The following AFF1 variants were observed in gnomAD, a reference collection of about 807,000 sequenced individuals.
The protein encoded by AFF1 is ALF transcription elongation factor 1.
Under a neutral mutation model 121.7 loss-of-function variants are expected in AFF1, and 48 were observed. That is an observed-to-expected ratio of 0.39 (90% CI 0.31 to 0.50). The LOEUF (loss-of-function observed/expected upper bound fraction) is 0.50, where lower values mean the gene tolerates loss of function less well. AFF1 is among the 20% of genes least tolerant of loss of function. The pLI, the probability that AFF1 is intolerant of heterozygous loss-of-function variation, is 0.76. For missense variants in AFF1, 1,523 were observed against 1,511.7 expected (o/e 1.01, Z -0.12); for synonymous variants, 613 against 563.0 (o/e 1.09, Z -1.26).
chr4:87,007,480 G>C, intron 2 of AFF1: 1 of 1,611,966 alleles, frequency 6.2e-7, no homozygotes, highest in Admixed American at 1.7e-5. Flanking sequence ...GGGAGCTGAA[G>C]GTTGCGGGGG....
At chr4:86,981,501 T>C (rs1723755085) in intron 2 of AFF1, among the ~76,000 whole-genome samples, 1 of 152,086 alleles carries the variant, frequency 6.6e-6, no homozygotes, top group South Asian at 2.1e-4. Context: ...TGGAGTAGCC[T>C]GCGATTCCAG....
chr4:87,006,641 T>C (rs1024317366), intron 2 of AFF1, among the ~76,000 whole-genome samples: 2 of 152,250 alleles, frequency 1.3e-5, no homozygotes, highest in African/African-American at 4.8e-5. Context: ...GCGGTCTTGT[T>C]CCTGCTCACT....
In AFF1 at chr4:87,046,963, C is replaced by A. The variant is rs771430275; in HGVS notation, c.428C>A (p.Ala143Glu). 1 of 1,614,214 alleles carries A rather than the reference C, an allele frequency of 6.2e-7. No homozygotes were observed. Among genetic ancestry groups the A allele is most frequent in the East Asian group, 2.2e-5 (1 of 44,880 alleles). Residue 143 changes from alanine (A) to glutamate (E), a missense_variant, in exon 4 of 21, where the codon GCG becomes GAG. Transcript: ENST00000395146. Reference sequence around the variant, plus strand: ...AACATTAGCCACAATCCAAAGATGGCGCAGCCAAGAACTGAACCAATGCCA... The same window carrying A: ...AACATTAGCCACAATCCAAAGATGGAGCAGCCAAGAACTGAACCAATGCCA... ...VGNISHNPKM[A>E]QPRTEPMPSL...
chr4:87,009,379 A>G (rs1230781471), intron 2 of AFF1, among the ~76,000 whole-genome samples: 1 of 152,254 alleles, frequency 6.6e-6, no homozygotes, highest in Non-Finnish European at 1.5e-5. Context: ...GCCAAGCCTC[A>G]GTATAACAGT....
intron 2 of AFF1, among the ~76,000 whole-genome samples, chr4:87,011,200 G>A (rs1726723226): frequency 1.3e-5 from 2 of 152,146 alleles, no homozygotes; most frequent in South Asian, 2.1e-4. Flanking sequence ...TGCTTCTTTG[G>A]GAGAGTTGAA....
intron 4 of AFF1, among the ~76,000 whole-genome samples, chr4:87,066,428 T>G (rs778670353): frequency 6.6e-6 from 1 of 152,034 alleles, no homozygotes; most frequent in Non-Finnish European, 1.5e-5. Flanking sequence ...CCTATAAATA[T>G]TTAACAATTA....
intron 2 of AFF1, among the ~76,000 whole-genome samples, chr4:86,966,287 TCTC>T (rs1722536397): frequency 6.6e-6 from 1 of 152,188 alleles, no homozygotes; most frequent in South Asian, 2.1e-4. Flanking sequence ...TCCTTCCTCT[TCTC>T]TGATTTCTGA....
rs374859588 is a variant in AFF1, at chr4:87,127,093, G to A, written c.2879G>A (p.Gly960Glu). Residue 960 changes from glycine to glutamate, a missense_variant, in exon 15 of 21, where the codon GGG (glycine) becomes GAG (glutamate). Gly to Glu is a moderately conservative substitution (Grantham distance 98). Around this residue, in one of 5 missense-constraint regions of AFF1, gnomAD observed 905 missense variants for 842.5 expected, o/e 1.07. Coordinates refer to ENST00000395146, the MANE Select transcript of AFF1 (RefSeq NM_001166693.3). ...PSLPNGNSKP[G>E]KPQVKFDKQQ... ...TTGCCAAATGGTAACTCTAAACCAG[G>A]GAAGCCTCAAGTGAAGTTTGACAAG... 1.1e-5 allele frequency: 17 copies of A among 1,613,450 alleles called. No homozygotes were observed. Among genetic ancestry groups the A allele is most frequent in the African/African-American group, 9.4e-5 (7 of 74,750 alleles).
chr4:87,037,030 A>G (rs1198639950), intron 2 of AFF1, among the ~76,000 whole-genome samples: 1 of 152,128 alleles, frequency 6.6e-6, no homozygotes, highest in Non-Finnish European at 1.5e-5. Flanking sequence ...GATGGATCTA[A>G]AATTACTTGC....
intron 2 of AFF1, among the ~76,000 whole-genome samples, chr4:87,034,064 G>T (rs567125260): frequency 1.3e-5 from 2 of 152,286 alleles, no homozygotes; most frequent in African/African-American, 4.8e-5. Context: ...TTTAGATGGG[G>T]ATTGAAAGGT....
chr4:87,127,177 C>CCA (rs1728357435), intron 15 of AFF1, 60 bp downstream of exon 15: 1 of 1,299,248 alleles, frequency 7.7e-7, no homozygotes, highest in East Asian at 2.6e-5. Flanking sequence ...CCCCCCCCCA[C>CCA]CAAGATAGAG....
rs550992995 is a variant in AFF1 at position 87,140,397 on chromosome 4, A to AT, written c.*4706dup. ...CGCATGTGTCCCAAATCTTGTTTTA[A>AT]TTTTTTTTTTCTGAATGTGATCATG... On this transcript the variant is annotated 3_prime_UTR_variant, in exon 21 of 21. Coordinates refer to ENST00000395146, the MANE Select transcript of AFF1 (RefSeq NM_001166693.3). 3.4e-3 allele frequency: 605 copies of AT among 179,680 alleles called. No individual in the cohort carries two copies. The highest frequency in any genetic ancestry group is 9.0e-3 in the East Asian group (98 of 10,858). The allele number at this position is 179,680 out of a possible 1,614,324, so 11.1% of individuals were successfully genotyped here. A position where few individuals can be genotyped will look rare whatever the true frequency, so the allele number is the denominator to read the frequency against.
chr4:87,097,601 C>T (rs1397994027), intron 8 of AFF1, among the ~76,000 whole-genome samples: 1 of 151,938 alleles, frequency 6.6e-6, no homozygotes, highest in African/African-American at 2.4e-5. Flanking sequence ...TGTGATGATC[C>T]TAATAGATTT....
At chr4:86,935,636 A>C (rs115352992) in intron 1 of AFF1, 1 of 148,650 alleles carries the variant, frequency 6.7e-6, no homozygotes, top group East Asian at 2.0e-4. Context: ...TCTCGGGGGG[A>C]GGGGGCGGGG....
chr4:87,105,533 CTT>C lies in AFF1; in HGVS notation c.1284-93_1284-92del, dbSNP rs1314501438. ...AAGAAAACTTACACATATCCTCTCT[CTT>C]TGTTTAATTAGGCATATTTTCTATT... On this transcript the variant is annotated intron_variant, in intron 8 of 20. Coordinates refer to ENST00000395146, the MANE Select transcript of AFF1 (RefSeq NM_001166693.3). 2.9e-6 allele frequency: 4 copies of C among 1,389,370 alleles called. No homozygotes were observed. In the East Asian group the frequency reaches 6.9e-5, roughly 24 times the overall value. The allele number at this position is 1,389,370 out of a possible 1,614,324, so 86.1% of individuals were successfully genotyped here.
chr4:87,101,675 A>T (rs1445378015), intron 8 of AFF1, among the ~76,000 whole-genome samples: 1 of 152,068 alleles, frequency 6.6e-6, no homozygotes, highest in African/African-American at 2.4e-5. Context: ...TCCCCGGATC[A>T]GTTTCAGATT....
intron 11 of AFF1, 129 bp downstream of exon 11, chr4:87,108,444 T>C: frequency 1.0e-6 from 1 of 971,726 alleles, no homozygotes; most frequent in Non-Finnish European, 1.5e-6. Flanking sequence ...AATGCTTTCC[T>C]GCTCCTATGC....
intron 2 of AFF1, among the ~76,000 whole-genome samples, chr4:87,035,316 CT>C (rs1439085183): frequency 6.6e-6 from 1 of 152,140 alleles, no homozygotes; most frequent in Non-Finnish European, 1.5e-5. Context: ...AATCCCAGCA[CT>C]TTGGGAGGCC....
chr4:86,968,127 A>G (rs1722662637), intron 2 of AFF1, among the ~76,000 whole-genome samples: 1 of 152,300 alleles, frequency 6.6e-6, no homozygotes, highest in Non-Finnish European at 1.5e-5. Context: ...AAATGCTGTT[A>G]AACTGTGGAT....
Sources: gnomAD v4.1 joint callset for allele counts (sites outside exome capture counted in the v4.1 genomes callset) on GRCh38, gnomAD v4.1.1 for gene constraint, gnomAD v4.1.1 regional missense constraint, MANE v1.5 for transcripts, NCBI Gene and HGNC (gene_info 2026-07-23, HGNC 2026-07-21) for gene names.